SIK3: variants seen among roughly 807,000 people sequenced by gnomAD.
SIK3 encodes the protein SIK family kinase 3, also known as serine/threonine-protein kinase SIK3.
Under a neutral mutation model 144.2 loss-of-function variants are expected in SIK3, and 28 were observed. The observed-to-expected ratio is 0.19, with a 90% CI of 0.14 to 0.27. SIK3 has a LOEUF of 0.27. SIK3 is among the 10% of genes least tolerant of loss of function. SIK3 has a pLI of 1.00. For synonymous variants in SIK3, 686 were observed against 676.3 expected (o/e 1.01, Z -0.22); for missense variants, 1,319 against 1,776.0 (o/e 0.74, Z 4.62).
chr11:116,955,934 G>A (rs1029886986), intron 2 of SIK3, among the ~76,000 whole-genome samples: 1 of 151,712 alleles, frequency 6.6e-6, no homozygotes, highest in Non-Finnish European at 1.5e-5. Flanking sequence ...ATAAAACTAA[G>A]AGGCTACGAA....
At chr11:116,990,682 G>A (rs7943171) in intron 1 of SIK3, among the ~76,000 whole-genome samples, 10,740 of 152,160 alleles carry the variant, frequency 0.071, 675 homozygotes, top group African/African-American at 0.17. Context: ...CACCTCCACA[G>A]TATTACCTTT....
chr11:116,857,972 A>G lies in SIK3; in HGVS notation c.3493T>C (p.Leu1165=), dbSNP rs761415516. 1 of 1,614,230 alleles carries G rather than the reference A, an allele frequency of 6.2e-7. No individual in the cohort carries two copies. Among genetic ancestry groups the G allele is most frequent in the South Asian group, 1.1e-5 (1 of 91,088 alleles). The change falls in exon 21 of 25, where the codon TTG becomes CTG. Residue 1165 remains leucine (L), a synonymous_variant. Transcript: ENST00000445177. Reference sequence around the variant, plus strand: ...GGGCTGTCATGGCAACCTTTGGTCAATGTACTTGAACTCTTACTGTCTTGG... The same window carrying G: ...GGGCTGTCATGGCAACCTTTGGTCAGTGTACTTGAACTCTTACTGTCTTGG... ...GFQDSKSSST[L]TKGCHDSPLL... is the part of the protein sequence containing the mutation.
Position 117,091,807 on chromosome 11 carries a change from G to A in SIK3, c.273+6336C>T, listed in dbSNP as rs138058664. Reference sequence around the variant, plus strand: ...TCTTTTGGTTTGTTTTCCTGAGACAGGGTTTCACTCTGTCACCCAGGCTGG... The same window carrying A: ...TCTTTTGGTTTGTTTTCCTGAGACAAGGTTTCACTCTGTCACCCAGGCTGG... On this transcript the variant is annotated intron_variant, in intron 1 of 24. Coordinates refer to ENST00000445177, the MANE Select transcript of SIK3 (RefSeq NM_001366686.3). 4.4e-3 allele frequency among the ~76,000 whole-genome samples: 670 copies of A among 152,240 alleles called. 6 individuals carry two copies. Among genetic ancestry groups the A allele is most frequent in the African/African-American group, 0.015 (640 of 41,544 alleles).
At chr11:116,998,552 G>A (rs1346908066) in intron 1 of SIK3, among the ~76,000 whole-genome samples, 1 of 151,724 alleles carries the variant, frequency 6.6e-6, no homozygotes, top group Non-Finnish European at 1.5e-5. Context: ...ATGGATTTGG[G>A]ATGTAAAGAG....
chr11:116,848,365 A>T (rs911816749), intron 22 of SIK3, among the ~76,000 whole-genome samples: 2 of 152,060 alleles, frequency 1.3e-5, no homozygotes, highest in Admixed American at 6.6e-5. Flanking sequence ...ATAATAATAA[A>T]AAATAAAGTG....
chr11:116,938,596 G>GTAAA, intron 3 of SIK3, among the ~76,000 whole-genome samples: 2 of 69,204 alleles, frequency 2.9e-5, no homozygotes, highest in Non-Finnish European at 5.4e-5. Flanking sequence ...GAGAGGAGAG[G>GTAAA]GGAGGAGAGG....
At chr11:117,094,976 G>A (rs549504872) in intron 1 of SIK3, among the ~76,000 whole-genome samples, 16 of 152,150 alleles carry the variant, frequency 1.1e-4, no homozygotes, top group Admixed American at 9.2e-4. Context: ...GCTCATGAAT[G>A]CCGTGCTGCA....
At chr11:116,878,116 C>CT (rs1312144125) in intron 6 of SIK3, among the ~76,000 whole-genome samples, 1 of 152,174 alleles carries the variant, frequency 6.6e-6, no homozygotes, top group African/African-American at 2.4e-5. Context: ...TCCCCCAACA[C>CT]TAATTCAGCA....
chr11:117,096,782 C>T (rs1429057864), intron 1 of SIK3, among the ~76,000 whole-genome samples: 1 of 152,060 alleles, frequency 6.6e-6, no homozygotes, highest in Admixed American at 6.6e-5. Context: ...TGCAAGTGAT[C>T]AGGAGAGAAG....
At chr11:116,918,724 G>C (rs1424995220) in intron 4 of SIK3, among the ~76,000 whole-genome samples, 1 of 152,126 alleles carries the variant, frequency 6.6e-6, no homozygotes, top group Admixed American at 6.5e-5. Context: ...AGGCTAAATA[G>C]GGTGCACCTT....
At chr11:116,915,153 T>TGTGTGTGTGTGTGTGTGTGTGCGCGC (rs1182331838) in intron 4 of SIK3, among the ~76,000 whole-genome samples, 1 of 149,096 alleles carries the variant, frequency 6.7e-6, no homozygotes, top group African/African-American at 2.5e-5. Context: ...TGTGTGTGTG[T>TGTGTGTGTGTGTGTGTGTGTGCGCGC]GTGTGTGTAT....
chr11:116,865,072 C>G (rs6589576), intron 15 of SIK3: 127,763 of 152,210 alleles, frequency 0.84, 54,205 homozygotes, highest in Non-Finnish European at 0.89. Flanking sequence ...ATGAATTTGG[C>G]GGGCCACAAT....
At chr11:117,069,182 TTTG>T (rs368388328) in intron 1 of SIK3, among the ~76,000 whole-genome samples, 14,685 of 89,410 alleles carry the variant, frequency 0.16, 855 homozygotes, top group South Asian at 0.24. Flanking sequence ...AAGATTTTTT[TTTG>T]GGGGGGGGGG....
intron 1 of SIK3, among the ~76,000 whole-genome samples, chr11:117,004,408 CA>C (rs1193349610): frequency 6.6e-6 from 1 of 151,998 alleles, no homozygotes; most frequent in African/African-American, 2.4e-5. Flanking sequence ...CCCAGCTACT[CA>C]GGAGGATGAG....
At chr11:116,980,340 A>G (rs1950095239) in intron 1 of SIK3, among the ~76,000 whole-genome samples, 2 of 152,068 alleles carry the variant, frequency 1.3e-5, no homozygotes, top group South Asian at 4.1e-4. Context: ...CCCCTTCCTC[A>G]ACCCTCTTTT....
chr11:116,957,807 G>A (rs1949195865), intron 1 of SIK3, among the ~76,000 whole-genome samples: 1 of 152,106 alleles, frequency 6.6e-6, no homozygotes, highest in Non-Finnish European at 1.5e-5. Flanking sequence ...TTGAAGCCTA[G>A]GTAGCTTGGC....
chr11:116,879,024 A>G (rs1156803769), intron 6 of SIK3, among the ~76,000 whole-genome samples: 1 of 152,176 alleles, frequency 6.6e-6, no homozygotes, highest in Non-Finnish European at 1.5e-5. Context: ...ACTGCAATGC[A>G]AGGCCCATGT....
chr11:116,861,739 G>T, intron 18 of SIK3, 102 bp downstream of exon 18: 1 of 755,782 alleles, frequency 1.3e-6, no homozygotes, highest in Non-Finnish European at 2.2e-6. Context: ...ATAGATTCTT[G>T]CAAGATGAAT....
intron 1 of SIK3, among the ~76,000 whole-genome samples, chr11:117,023,546 T>C (rs1411044591): frequency 1.4e-5 from 2 of 145,306 alleles, no homozygotes; most frequent in South Asian, 2.2e-4. Context: ...GATGGGACTA[T>C]AGTCATGTGC....
Sources: gnomAD v4.1 joint callset for allele counts (sites outside exome capture counted in the v4.1 genomes callset) on GRCh38, gnomAD v4.1.1 for gene constraint, MANE v1.5 for transcripts, NCBI Gene and HGNC (gene_info 2026-07-23, HGNC 2026-07-21) for gene names.